Variants in SGCD observed in about 807,000 individuals in gnomAD.
SGCD encodes the protein delta-sarcoglycan.
SGCD carries 18 observed loss-of-function variants against 36.6 expected under a neutral mutation model. The observed-to-expected ratio is 0.49, with a 90% CI of 0.34 to 0.73. The LOEUF (loss-of-function observed/expected upper bound fraction) is 0.73, where lower values mean the gene tolerates loss of function less well. SGCD is among the 30% of genes least tolerant of loss of function. The pLI, the probability that SGCD is intolerant of heterozygous loss-of-function variation, is 0.01. For synonymous variants in SGCD, 133 were observed against 130.6 expected (o/e 1.02, Z -0.12); for missense variants, 387 against 346.7 (o/e 1.12, Z -0.92).
intron 4 of SGCD, among the ~76,000 whole-genome samples, chr5:156,542,276 A>G (rs1758378719): frequency 6.6e-6 from 1 of 152,090 alleles, no homozygotes; most frequent in South Asian, 2.1e-4. Context: ...AATTATTTGG[A>G]CAAAGCACAC....
At chr5:156,285,801 A>G (rs1435501675) in intron 3 of SGCD, among the ~76,000 whole-genome samples, 1 of 152,176 alleles carries the variant, frequency 6.6e-6, no homozygotes, top group East Asian at 1.9e-4. Context: ...AAGCAATGGC[A>G]ACAAAAGCCA....
At chr5:156,033,760 G>A (rs1434861929) in intron 1 of SGCD, among the ~76,000 whole-genome samples, 1 of 152,172 alleles carries the variant, frequency 6.6e-6, no homozygotes, top group Admixed American at 6.5e-5. Flanking sequence ...TGCAATGAAT[G>A]TCCTTTTCTG....
intron 3 of SGCD, among the ~76,000 whole-genome samples, chr5:156,416,566 C>T (rs1773049303): frequency 6.6e-6 from 1 of 152,094 alleles, no homozygotes; most frequent in Non-Finnish European, 1.5e-5. Flanking sequence ...AGTGCTTTGG[C>T]ACCTTAATTT....
intron 6 of SGCD, among the ~76,000 whole-genome samples, chr5:156,604,295 G>T (rs958804063): frequency 1.8e-4 from 28 of 151,934 alleles, no homozygotes; most frequent in African/African-American, 6.8e-4. Context: ...AATGAGGTGA[G>T]TCTCTTGTAG....
intron 3 of SGCD, among the ~76,000 whole-genome samples, chr5:156,144,221 A>G (rs1762652593): frequency 1.3e-5 from 2 of 152,236 alleles, no homozygotes; most frequent in South Asian, 4.1e-4. Context: ...TCTTTATAGC[A>G]GCATGATTTA....
the SGCD span, among the ~76,000 whole-genome samples, chr5:155,735,511 C>T: frequency 6.6e-6 from 1 of 152,114 alleles, no homozygotes. Flanking sequence ...AAGGGACTTG[C>T]CTGAGGTCAT....
At chr5:156,287,639 G>T (rs1766644474) in intron 3 of SGCD, among the ~76,000 whole-genome samples, 1 of 150,348 alleles carries the variant, frequency 6.7e-6, no homozygotes, top group African/African-American at 2.4e-5. Flanking sequence ...GTGTGTGTGT[G>T]TGTGTGTGTG....
At chr5:155,848,188 G>C in the SGCD span, among the ~76,000 whole-genome samples, 2 of 152,136 alleles carry the variant, frequency 1.3e-5, no homozygotes, top group Admixed American at 6.6e-5. Flanking sequence ...CTCAGGAGGT[G>C]GTGAGTACTA....
chr5:156,466,534 T>C (rs2127822990), intron 3 of SGCD, among the ~76,000 whole-genome samples: 1 of 152,198 alleles, frequency 6.6e-6, no homozygotes. Context: ...TCAGAGAGAA[T>C]GTGTGGGAAA....
intron 1 of SGCD, among the ~76,000 whole-genome samples, chr5:156,030,602 C>A (rs1759325479): frequency 1.3e-5 from 2 of 152,076 alleles, no homozygotes; most frequent in African/African-American, 4.8e-5. Context: ...TTTATAGCAG[C>A]CCTAGTAAAC....
At chr5:156,247,054 AT>A (rs1005182228) in intron 3 of SGCD, among the ~76,000 whole-genome samples, 6 of 152,240 alleles carry the variant, frequency 3.9e-5, no homozygotes, top group African/African-American at 1.2e-4. Context: ...TTCTTGAGCA[AT>A]TTTGAAAATA....
At chr5:155,796,501 A>T in the SGCD span, among the ~76,000 whole-genome samples, 1 of 151,928 alleles carries the variant, frequency 6.6e-6, no homozygotes, top group Non-Finnish European at 1.5e-5. Context: ...GAAAAAAAAA[A>T]CACTTAAAAA....
chr5:156,153,405 A>G (rs1381955152), intron 3 of SGCD, among the ~76,000 whole-genome samples: 1 of 151,604 alleles, frequency 6.6e-6, no homozygotes, highest in Admixed American at 6.6e-5. Context: ...ATCTCCATGA[A>G]GGGAAGTAGT....
chr5:156,330,342 G>C (rs1157180872), intron 2 of SGCD, among the ~76,000 whole-genome samples: 1 of 152,204 alleles, frequency 6.6e-6, no homozygotes, highest in Non-Finnish European at 1.5e-5. Context: ...GGGGGCAGAA[G>C]TGGGGTTGAG....
intron 3 of SGCD, among the ~76,000 whole-genome samples, chr5:156,314,623 C>G (rs1238074814): frequency 2.0e-5 from 3 of 151,958 alleles, no homozygotes; most frequent in Admixed American, 6.6e-5. Flanking sequence ...TTCTCAAGAG[C>G]TGACAGTCTA....
the SGCD span, among the ~76,000 whole-genome samples, chr5:155,821,001 T>A: frequency 6.6e-6 from 1 of 152,068 alleles, no homozygotes; most frequent in Non-Finnish European, 1.5e-5. Context: ...GTAGTACATG[T>A]GAATTGCCAA....
chr5:156,578,161 A>G (rs1047864187), intron 4 of SGCD, among the ~76,000 whole-genome samples: 2 of 152,164 alleles, frequency 1.3e-5, no homozygotes, highest in African/African-American at 4.8e-5. Context: ...TCCTGCATCT[A>G]TTGAGATAAT....
chr5:156,320,568 A>C (rs1767630889), intron 3 of SGCD, among the ~76,000 whole-genome samples: 1 of 152,208 alleles, frequency 6.6e-6, no homozygotes. Context: ...TGTGCTCTTT[A>C]ATTAATTTCT....
At chr5:156,673,414 G>C (rs781153838) in intron 7 of SGCD, among the ~76,000 whole-genome samples, 3 of 152,154 alleles carry the variant, frequency 2.0e-5, no homozygotes, top group East Asian at 1.9e-4. Flanking sequence ...CCTGGCCTAC[G>C]GTTCCTATTC....
Sources: gnomAD v4.1 joint callset for allele counts (sites outside exome capture counted in the v4.1 genomes callset) on GRCh38, gnomAD v4.1.1 for gene constraint, MANE v1.5 for transcripts, NCBI Gene and HGNC (gene_info 2026-07-23, HGNC 2026-07-21) for gene names.